ARV1: variants seen among roughly 807,000 people sequenced by gnomAD.
The protein encoded by ARV1 is protein ARV1.
Under a neutral mutation model 31.1 loss-of-function variants are expected in ARV1, and 26 were observed. The observed-to-expected ratio is 0.84, with a 90% CI of 0.61 to 1.16. The LOEUF is 1.16. Ranked by LOEUF, ARV1 falls within the 50% of genes most tolerant of loss-of-function variation. ARV1 has a pLI of 0.00. For missense variants in ARV1, 281 were observed against 324.9 expected (o/e 0.86, Z 1.04); for synonymous variants, 117 against 123.2 (o/e 0.95, Z 0.34).
At chr1:230,990,492 C>T (rs772232049) in intron 3 of ARV1, 20 of 445,816 alleles carry the variant, frequency 4.5e-5, no homozygotes, top group South Asian at 1.0e-4. Context: ...TTATGCTTAT[C>T]GGATTAGAAA....
intron 1 of ARV1, among the ~76,000 whole-genome samples, chr1:230,984,343 CGTGTGTGTGTGTGTGTGTGCGTGTGT>C (rs1459561835): frequency 5.9e-5 from 7 of 119,324 alleles, no homozygotes; most frequent in South Asian, 3.6e-4. Flanking sequence ...TTGTTTGTTT[CGTGTGTGTGTGTGTGTGTGCGTGTGT>C]GTGTGTGTGT....
Position 230,988,345 on chromosome 1 carries a change from A to G in ARV1, c.200A>G (p.Lys67Arg). Residue 67 changes from lysine to arginine, a missense_variant, in exon 2 of 6, where the codon AAA (lysine) becomes AGA (arginine). Lys to Arg is a conservative substitution (Grantham distance 26, BLOSUM62 2). Transcript: ENST00000310256. Reference sequence around the variant, plus strand: ...AAATCCTGCCAGAAACCTGTAGACAAATATATCGAGTATGATCCTGTTATC... The same window carrying G: ...AAATCCTGCCAGAAACCTGTAGACAGATATATCGAGTATGATCCTGTTATC... ...ICKSCQKPVD[K>R]YIEYDPVIIL... 2 of 1,595,724 alleles carry G rather than the reference A, an allele frequency of 1.3e-6. No homozygotes were observed. The highest frequency in any genetic ancestry group is 2.2e-5 in the South Asian group (2 of 89,598).
Position 230,979,151 on chromosome 1 carries a change from G to C in ARV1, c.46G>C (p.Val16Leu). 1 of 1,612,450 alleles carries C rather than the reference G, an allele frequency of 6.2e-7. No homozygotes were observed. The highest frequency in any genetic ancestry group is 8.5e-7 in the Non-Finnish European group (1 of 1,179,566). Residue 16 changes from valine (V) to leucine (L), a missense_variant, in exon 1 of 6, where the codon GTG becomes CTG. Physicochemically the swap from Val to Leu is conservative, Grantham distance 32 (BLOSUM62 1). Coordinates refer to ENST00000310256, the MANE Select transcript of ARV1 (RefSeq NM_022786.3). ...RSGLQQGKGN[V>L]DGVAATPTAA... ...CGGCCTGCAGCAGGGGAAGGGGAAC[G>C]TGGATGGGGTGGCAGCGACTCCTAC...
Position 230,979,204 on chromosome 1 carries a change from G to A in ARV1, c.99G>A (p.Arg33=). The change falls in exon 1 of 6, where the codon AGG becomes AGA. Residue 33 remains arginine (R), a synonymous_variant. Transcript: ENST00000310256. ...PTAASASCQY[R]CIECNQEAKE... is the part of the protein sequence containing the mutation. Reference sequence around the variant, plus strand: ...CTGCCTCGGCCTCCTGCCAGTACAGGTGCATCGAATGCAACCAGGAGGCCA... The same window carrying A: ...CTGCCTCGGCCTCCTGCCAGTACAGATGCATCGAATGCAACCAGGAGGCCA... 2 of 1,613,682 alleles carry A rather than the reference G, an allele frequency of 1.2e-6. No individual in the cohort carries two copies. Among genetic ancestry groups the A allele is most frequent in the Non-Finnish European group, 8.5e-7 (1 of 1,179,816 alleles).
chr1:230,981,412 C>T (rs1678907092), intron 1 of ARV1, among the ~76,000 whole-genome samples: 1 of 152,188 alleles, frequency 6.6e-6, no homozygotes, highest in African/African-American at 2.4e-5. Context: ...ACCATTTTAA[C>T]TCCTAAGACC....
At chr1:230,980,494 G>A (rs1432896699) in intron 1 of ARV1, among the ~76,000 whole-genome samples, 2 of 151,760 alleles carry the variant, frequency 1.3e-5, no homozygotes, top group Non-Finnish European at 2.9e-5. Flanking sequence ...GCACCACCAC[G>A]CCGGGCTAAT....
In ARV1 at chr1:230,986,668, A is replaced by ATTT. The variant is rs1162209283; in HGVS notation, c.175-1616_175-1614dup. On this transcript the variant is annotated intron_variant, in intron 1 of 5. Transcript: ENST00000310256. ...CACCCACAAATGTAATACTTTTCCT[A>ATTT]TTTTTTTTTTTTTTTTTTTTTTTTT... Among the ~76,000 whole-genome samples the ATTT allele has an allele frequency of 1.1e-4, 7 of 62,356 alleles. 1 individual carries two copies. The highest frequency in any genetic ancestry group is 5.0e-4 in the Admixed American group (2 of 4,034). 40.9% of individuals were successfully genotyped at this position (62,356 alleles called of 152,430 possible).
intron 3 of ARV1, 51 bp downstream of exon 3, chr1:230,990,314 A>C: frequency 6.3e-7 from 1 of 1,597,726 alleles, no homozygotes; most frequent in Non-Finnish European, 8.5e-7. Flanking sequence ...TTACTTAACT[A>C]ATCTGGTTAA....
intron 1 of ARV1, among the ~76,000 whole-genome samples, chr1:230,982,978 C>T (rs940962689): frequency 1.6e-4 from 25 of 152,068 alleles, no homozygotes; most frequent in African/African-American, 5.6e-4. Flanking sequence ...TTTCCTTTTG[C>T]TCTGCTTGTT....
At chr1:230,987,451 T>C (rs1267309550) in intron 1 of ARV1, among the ~76,000 whole-genome samples, 1 of 152,224 alleles carries the variant, frequency 6.6e-6, no homozygotes, top group African/African-American at 2.4e-5. Context: ...ACATTTCTAA[T>C]GAGCTTGTTT....
At position 230,990,141 on chromosome 1, in the gene ARV1, T is replaced by C. The variant is rs758083556; in HGVS notation, c.326T>C (p.Leu109Pro). 1.4e-5 allele frequency: 23 copies of C among 1,609,592 alleles called. No individual in the cohort carries two copies. Among genetic ancestry groups the C allele is most frequent in the Non-Finnish European group, 2.0e-5 (23 of 1,178,978 alleles). Residue 109 changes from leucine (L) to proline (P), a missense_variant, in exon 3 of 6, where the codon CTT becomes CCT. Leu to Pro is a moderately conservative substitution (Grantham distance 98). Coordinates refer to ENST00000310256, the MANE Select transcript of ARV1 (RefSeq NM_022786.3). Reference sequence around the variant, plus strand: ...GGAAAACTCTGCATATTTTGTTTGCTTTGTGAAGCATACCTGAGGTGGTGG... The same window carrying C: ...GGAAAACTCTGCATATTTTGTTTGCCTTGTGAAGCATACCTGAGGTGGTGG... ...IHGKLCIFCL[L>P]CEAYLRWWQL...
intron 1 of ARV1, among the ~76,000 whole-genome samples, chr1:230,984,420 CAAGG>C (rs748219645): frequency 9.2e-5 from 13 of 141,236 alleles, no homozygotes; most frequent in Non-Finnish European, 1.9e-4. Flanking sequence ...TCTTCACATT[CAAGG>C]TGAAGGCAGA....
chr1:230,979,245 A>G lies in ARV1; in HGVS notation c.140A>G (p.Asp47Gly), dbSNP rs1430632438. 4.3e-6 allele frequency: 7 copies of G among 1,613,272 alleles called. No homozygotes were observed. Among genetic ancestry groups the G allele is most frequent in the East Asian group, 4.5e-5 (2 of 44,792 alleles). The change falls in exon 1 of 6, where the codon GAC (aspartate) becomes GGC (glycine). Residue 47 changes from aspartate to glycine, a missense_variant. By Grantham distance (94) the Asp-to-Gly change is moderately conservative. Transcript: ENST00000310256. The part of the protein sequence containing the change: ...CNQEAKELYR[D>G]YNHGVLKITI... ...CAGGAGGCCAAAGAGTTGTACCGAG[A>G]CTATAACCACGGTGTGCTGAAGATA...
At chr1:230,990,674 C>A (rs993650518) in intron 3 of ARV1, 2 of 348,870 alleles carry the variant, frequency 5.7e-6, no homozygotes, top group Non-Finnish European at 1.2e-5. Context: ...CCTGCCTCGG[C>A]CCCCCCAGGT....
Position 230,997,283 on chromosome 1 carries a change from A to C in ARV1, c.*4+16A>C, listed in dbSNP as rs1480913039. 2 of 1,612,424 alleles carry C rather than the reference A, an allele frequency of 1.2e-6. No individual in the cohort carries two copies. Among genetic ancestry groups the C allele is most frequent in the East Asian group, 2.2e-5 (1 of 44,862 alleles). ...TTCTGAAGAGGTACTGAAAGCATGTAGTGTTCATGCATTCAGACATGTAGC... is the reference window on the plus strand; with the variant it reads ...TTCTGAAGAGGTACTGAAAGCATGTCGTGTTCATGCATTCAGACATGTAGC... On this transcript the variant is annotated intron_variant, in intron 5 of 5. Transcript: ENST00000310256.
chr1:230,997,124 C>A lies in ARV1; in HGVS notation c.677C>A (p.Thr226Asn). 1 of 1,613,960 alleles carries A rather than the reference C, an allele frequency of 6.2e-7. No homozygotes were observed. Among genetic ancestry groups the A allele is most frequent in the Non-Finnish European group, 8.5e-7 (1 of 1,179,966 alleles). The change falls in exon 5 of 6, where the codon ACC becomes AAC. Residue 226 changes from threonine to asparagine, a missense_variant. Transcript: ENST00000310256. ...LTSNFQAIRV[T>N]LNINRKLSFL... Reference sequence around the variant, plus strand: ...TTGGCTGCCTTCTCCTTTCCAGTGACCCTAAACATCAACCGTAAGCTCTCC... The same window carrying A: ...TTGGCTGCCTTCTCCTTTCCAGTGAACCTAAACATCAACCGTAAGCTCTCC...
intron 1 of ARV1, among the ~76,000 whole-genome samples, chr1:230,980,183 G>C (rs1489966970): frequency 6.6e-6 from 1 of 152,042 alleles, no homozygotes; most frequent in Non-Finnish European, 1.5e-5. Flanking sequence ...TCCCTCTTTT[G>C]TCAAAATGTC....
intron 1 of ARV1, among the ~76,000 whole-genome samples, chr1:230,986,668 ATTTTTTTTTTTTTTTTTTTTTTT>A (rs1162209283): frequency 9.6e-5 from 6 of 62,294 alleles, no homozygotes; most frequent in African/African-American, 1.7e-4. Context: ...TACTTTTCCT[ATTTTTTTTTTTTTTTTTTTTTTT>A]TTTTTTTTTT....
chr1:230,993,261 A>T (rs535395566), intron 3 of ARV1, among the ~76,000 whole-genome samples: 23 of 148,862 alleles, frequency 1.5e-4, no homozygotes, highest in Middle Eastern at 7.0e-3. Flanking sequence ...TGGCTAATTT[A>T]AAAAAAAAAA....
Sources: gnomAD v4.1 joint callset for allele counts (sites outside exome capture counted in the v4.1 genomes callset) on GRCh38, gnomAD v4.1.1 for gene constraint, MANE v1.5 for transcripts, NCBI Gene and HGNC (gene_info 2026-07-23, HGNC 2026-07-21) for gene names.